Variants in MAGI3 observed in about 807,000 individuals in gnomAD.
MAGI3 encodes the protein membrane associated guanylate kinase, WW and PDZ domain containing 3.
MAGI3 carries 43 observed loss-of-function variants against 121.8 expected under a neutral mutation model. That is an observed-to-expected ratio of 0.35 (90% confidence interval 0.28 to 0.46). The LOEUF is 0.46. Among genes scored for constraint, MAGI3 ranks in the 20% least tolerant of loss-of-function variants. MAGI3 has a pLI of 1.00. For synonymous variants in MAGI3, 553 were observed against 639.3 expected (o/e 0.86, Z 2.04); for missense variants, 1,547 against 1,797.3 (o/e 0.86, Z 2.52).
intron 1 of MAGI3, among the ~76,000 whole-genome samples, chr1:113,516,746 G>A (rs1469894917): frequency 6.6e-6 from 1 of 151,980 alleles, no homozygotes. Context: ...AGCACAATCA[G>A]TATAGGAGAG....
Position 113,614,654 on chromosome 1 carries a change from G to A in MAGI3, c.1072G>A (p.Val358Ile). 6.2e-7 allele frequency: 1 copy of A among 1,601,020 alleles called. No individual in the cohort carries two copies. The highest frequency in any genetic ancestry group is 8.5e-7 in the Non-Finnish European group (1 of 1,172,438). Residue 358 changes from valine to isoleucine, a missense_variant, in exon 7 of 21, where the codon GTT becomes ATT. By Grantham distance (29) the Val-to-Ile change is conservative (BLOSUM62 3). Transcript: ENST00000307546. ...GGACCCTCAGTATGGGACATACTAT[G>A]TTGAGTAAGTTTGTTACCTCAGTTA... ...IEDPQYGTYY[V>I]DHLNQKTQFE... is the part of the protein sequence containing the mutation.
intron 1 of MAGI3, among the ~76,000 whole-genome samples, chr1:113,427,287 A>G (rs1653059041): frequency 6.6e-6 from 1 of 152,186 alleles, no homozygotes; most frequent in African/African-American, 2.4e-5. Context: ...ATCTCAGGAG[A>G]GACGCTTTTG....
At chr1:113,515,623 A>G (rs1354791068) in intron 1 of MAGI3, among the ~76,000 whole-genome samples, 1 of 152,114 alleles carries the variant, frequency 6.6e-6, no homozygotes, top group Admixed American at 6.6e-5. Flanking sequence ...AGAGAGAAGT[A>G]TTTTGTTCAA....
chr1:113,512,958 C>G (rs940548883), intron 1 of MAGI3, among the ~76,000 whole-genome samples: 13 of 152,136 alleles, frequency 8.5e-5, no homozygotes, highest in African/African-American at 2.7e-4. Context: ...GTACAAAAAT[C>G]ACAAGCATTC....
chr1:113,641,182 CAG>C (rs1345797386), intron 9 of MAGI3, among the ~76,000 whole-genome samples: 4 of 139,642 alleles, frequency 2.9e-5, no homozygotes, highest in Admixed American at 2.3e-4. Flanking sequence ...ATATATATAT[CAG>C]GGGTGGAGGA....
chr1:113,655,533 A>T (rs578050902), intron 15 of MAGI3, among the ~76,000 whole-genome samples: 7 of 151,760 alleles, frequency 4.6e-5, no homozygotes, highest in Non-Finnish European at 1.0e-4. Context: ...ATTTGTATAT[A>T]TTGGTAAATT....
chr1:113,497,376 C>G lies in MAGI3; in HGVS notation c.317-52139C>G, dbSNP rs561312051. Among the ~76,000 whole-genome samples the G allele has an allele frequency of 3.5e-4, 40 of 112,838 alleles. 2 individuals are homozygous for G. Among genetic ancestry groups the G allele is most frequent in the African/African-American group, 1.2e-3 (39 of 31,624 alleles). 74.0% of individuals were successfully genotyped at this position (112,838 alleles called of 152,430 possible). A position where few individuals can be genotyped will look rare whatever the true frequency, so the allele number is the denominator to read the frequency against. On this transcript the variant is annotated intron_variant, in intron 1 of 20. Transcript: ENST00000307546. ...TGTGCGCACCGTGCGCGAGCCGAAG[C>G]AGGGCGAGGCATTGCCTCACCTGGG... is the stretch of plus-strand genomic sequence containing the variant.
chr1:113,482,645 C>CT (rs59465922), intron 1 of MAGI3, among the ~76,000 whole-genome samples: 83 of 122,180 alleles, frequency 6.8e-4, no homozygotes, highest in African/African-American at 1.9e-3. Context: ...CCTCAACCTA[C>CT]TTTTTTTTTT....
At chr1:113,623,107 A>C in intron 9 of MAGI3, 113 bp downstream of exon 9, 1 of 724,452 alleles carries the variant, frequency 1.4e-6, no homozygotes, top group Non-Finnish European at 2.0e-6. Context: ...TAACTAAAGA[A>C]AGAGATTCCA....
intron 9 of MAGI3, among the ~76,000 whole-genome samples, chr1:113,625,276 A>G (rs1651161486): frequency 2.0e-5 from 3 of 152,308 alleles, no homozygotes; most frequent in Admixed American, 6.5e-5. Flanking sequence ...ATTGCATTGA[A>G]TCTATAGATT....
intron 1 of MAGI3, among the ~76,000 whole-genome samples, chr1:113,406,589 T>G (rs893990207): frequency 1.3e-5 from 2 of 151,600 alleles, no homozygotes; most frequent in African/African-American, 4.8e-5. Flanking sequence ...GTATAAAAAA[T>G]TATCTAATTG....
intron 1 of MAGI3, among the ~76,000 whole-genome samples, chr1:113,414,159 T>C (rs1022866204): frequency 6.6e-6 from 1 of 152,226 alleles, no homozygotes; most frequent in Non-Finnish European, 1.5e-5. Context: ...TCATTGGTTC[T>C]GTTTGTTTGA....
intron 1 of MAGI3, among the ~76,000 whole-genome samples, chr1:113,524,081 TGTG>T (rs1557803118): frequency 6.6e-6 from 1 of 152,078 alleles, no homozygotes; most frequent in East Asian, 1.9e-4. Flanking sequence ...GCAGTTTCCA[TGTG>T]GTGTTGAGCC....
In MAGI3 at chr1:113,395,530, CTT is replaced by C. The variant is rs1461228415; in HGVS notation, c.316+4184_316+4185del. Among the ~76,000 whole-genome samples the C allele has an allele frequency of 7.9e-5, 12 of 151,908 alleles. No homozygotes were observed. In the East Asian group the frequency reaches 2.3e-3, roughly 29 times the overall value. On this transcript the variant is annotated intron_variant, in intron 1 of 20. Transcript: ENST00000307546. ...GATTTGCTTGCATGATATTTGATGA[CTT>C]TTATTATATCATTAACATCTTTGTA... is the stretch of plus-strand genomic sequence containing the variant.
intron 2 of MAGI3, among the ~76,000 whole-genome samples, chr1:113,571,245 G>T (rs970566887): frequency 1.3e-5 from 2 of 152,086 alleles, no homozygotes; most frequent in Admixed American, 1.3e-4. Context: ...CCATTCCATT[G>T]TTCTATGTAT....
chr1:113,654,067 G>T (rs1653337450), intron 15 of MAGI3, 49 bp downstream of exon 15: 3 of 1,463,918 alleles, frequency 2.0e-6, no homozygotes, highest in Non-Finnish European at 2.8e-6. Context: ...CCAGTTTTCT[G>T]AGGCTCCCAC....
chr1:113,614,819 AC>A (rs1650361133), intron 7 of MAGI3, among the ~76,000 whole-genome samples, 161 bp downstream of exon 7: 1 of 152,150 alleles, frequency 6.6e-6, no homozygotes, highest in Non-Finnish European at 1.5e-5. Flanking sequence ...TGCTTCATTG[AC>A]CTTGGGCTTC....
rs1371937046 is a variant in MAGI3, at chr1:113,681,213, G to A, written c.3205G>A (p.Val1069Ile). The A allele has an allele frequency of 6.2e-7, 1 of 1,613,692 alleles. No homozygotes were observed. Among genetic ancestry groups the A allele is most frequent in the African/African-American group, 1.3e-5 (1 of 74,910 alleles). ...DGRIHVGDQI[V>I]EINGEPTQGI... ...CTCTGTCTAGGTTGGTGACCAGATT[G>A]TTGAAATCAATGGGGAACCTACACA... is the stretch of plus-strand genomic sequence containing the variant. The change falls in exon 20 of 21, where the codon GTT becomes ATT. Residue 1069 changes from valine (V) to isoleucine (I), a missense_variant. Physicochemically the swap from Val to Ile is conservative, Grantham distance 29. Transcript: ENST00000307546.
chr1:113,478,262 T>C (rs1016103320), intron 1 of MAGI3, among the ~76,000 whole-genome samples: 2 of 152,218 alleles, frequency 1.3e-5, no homozygotes, highest in African/African-American at 4.8e-5. Context: ...TGTCCAGCTT[T>C]GTTCATTTGC....
Sources: allele counts gnomAD v4.1 joint callset (sites outside exome capture counted in the v4.1 genomes callset), GRCh38; gene constraint gnomAD v4.1.1; transcripts MANE v1.5; gene names NCBI Gene and HGNC (gene_info 2026-07-23, HGNC 2026-07-21).